MAMDC2: variants seen among roughly 807,000 people sequenced by gnomAD.
MAMDC2 encodes MAM domain-containing protein 2.
Under a neutral mutation model 89.8 loss-of-function variants are expected in MAMDC2, and 57 were observed. The observed-to-expected ratio is 0.63, with a 90% CI of 0.51 to 0.79. The LOEUF (loss-of-function observed/expected upper bound fraction) is 0.79. Among genes scored for constraint, MAMDC2 ranks in the 30% least tolerant of loss-of-function variants. The pLI is 0.00. For synonymous variants in MAMDC2, 313 were observed against 293.4 expected (o/e 1.07, Z -0.68); for missense variants, 800 against 820.6 (o/e 0.97, Z 0.31).
chr9:70,197,289 C>T (rs1294826006), intron 11 of MAMDC2, among the ~76,000 whole-genome samples: 1 of 152,050 alleles, frequency 6.6e-6, no homozygotes, highest in Non-Finnish European at 1.5e-5. Flanking sequence ...GCTGGAAGAA[C>T]TTATGGAGTA....
intron 2 of MAMDC2, among the ~76,000 whole-genome samples, chr9:70,107,138 C>G (rs550668948): frequency 6.6e-5 from 10 of 151,892 alleles, no homozygotes; most frequent in Non-Finnish European, 1.2e-4. Flanking sequence ...ATCTGCAGGC[C>G]AGAAAGGCCC....
In MAMDC2 at chr9:70,226,328, C is replaced by A. The variant is rs1251250678; in HGVS notation, c.*296C>A. 1 of 181,630 alleles carries A rather than the reference C, an allele frequency of 5.5e-6. No homozygotes were observed. Among genetic ancestry groups the A allele is most frequent in the Non-Finnish European group, 1.1e-5 (1 of 87,704 alleles). 11.3% of individuals were successfully genotyped at this position (181,630 alleles called of 1,614,324 possible). The stretch of plus-strand genomic sequence containing the variant: ...TATATTGTAGTCATTTTAAAGTACA[C>A]AAAGGGCACAATCAAAATGAGATGC... On this transcript the variant is annotated 3_prime_UTR_variant, in exon 14 of 14. Transcript: ENST00000377182.
chr9:70,222,642 A>G (rs963494130), intron 12 of MAMDC2, among the ~76,000 whole-genome samples: 1 of 152,190 alleles, frequency 6.6e-6, no homozygotes, highest in African/African-American at 2.4e-5. Context: ...CAAAAGCACA[A>G]AATCATTCTA....
intron 11 of MAMDC2, among the ~76,000 whole-genome samples, chr9:70,177,184 A>G (rs2032525239): frequency 6.6e-6 from 1 of 152,154 alleles, no homozygotes; most frequent in African/African-American, 2.4e-5. Context: ...TCTTTGCCAT[A>G]TCTAAACTGT....
At chr9:70,069,410 C>T (rs992117090) in intron 2 of MAMDC2, among the ~76,000 whole-genome samples, 2 of 152,290 alleles carry the variant, frequency 1.3e-5, no homozygotes, top group Admixed American at 6.5e-5. Flanking sequence ...TGTTGGCTAA[C>T]GTAATGTTAA....
intron 2 of MAMDC2, among the ~76,000 whole-genome samples, chr9:70,047,355 C>T (rs951072673): frequency 5.9e-5 from 9 of 152,190 alleles, no homozygotes; most frequent in East Asian, 5.8e-4. Flanking sequence ...CCTCCCCTTG[C>T]GCCCCACCCC....
Position 70,225,736 on chromosome 9 carries a change from T to C in MAMDC2, c.1912-14T>C, listed in dbSNP as rs748200366. ...ATGATTCTATTTCTAAATTCAAACA[T>C]ATTATTCTTTCAGATAATTTTTGAA... On this transcript the variant is annotated splice_polypyrimidine_tract_variant and intron_variant, in intron 12 of 13. Transcript: ENST00000377182. The C allele has an allele frequency of 3.3e-6, 5 of 1,496,208 alleles. No individual in the cohort carries two copies. Among genetic ancestry groups the C allele is most frequent in the African/African-American group, 2.8e-5 (2 of 72,474 alleles). 92.7% of individuals were successfully genotyped at this position (1,496,208 alleles called of 1,614,324 possible). A position where few individuals can be genotyped will look rare whatever the true frequency, so the allele number is the denominator to read the frequency against.
intron 5 of MAMDC2, among the ~76,000 whole-genome samples, chr9:70,125,177 C>T (rs1177257151): frequency 1.3e-5 from 2 of 152,146 alleles, no homozygotes; most frequent in African/African-American, 2.4e-5. Context: ...GATAGCTTAC[C>T]CTTTATACAA....
intron 9 of MAMDC2, among the ~76,000 whole-genome samples, chr9:70,152,961 T>C (rs1211136801): frequency 2.0e-5 from 3 of 152,172 alleles, no homozygotes; most frequent in African/African-American, 4.8e-5. Flanking sequence ...AATGTTTTTT[T>C]CTTAGTCCTG....
chr9:70,058,606 T>C (rs1827078525), intron 2 of MAMDC2, among the ~76,000 whole-genome samples: 1 of 152,190 alleles, frequency 6.6e-6, no homozygotes, highest in Non-Finnish European at 1.5e-5. Context: ...CCTGCAGGTC[T>C]TCAAGATCCT....
At chr9:70,102,211 T>G (rs1828215549) in intron 2 of MAMDC2, among the ~76,000 whole-genome samples, 1 of 152,212 alleles carries the variant, frequency 6.6e-6, no homozygotes, top group Non-Finnish European at 1.5e-5. Flanking sequence ...AGTCTCATTT[T>G]GAAAATAAAG....
At chr9:70,140,313 G>A in intron 8 of MAMDC2, 25 bp downstream of exon 8, 1 of 1,557,182 alleles carries the variant, frequency 6.4e-7, no homozygotes, top group East Asian at 2.5e-5. Context: ...TGTCTATGTG[G>A]GGACATCTTG....
chr9:70,131,616 A>G lies in MAMDC2; in HGVS notation c.994+4A>G. ...GTTCACTGCCAGAATCAGACAGGTG[A>G]GCATTCTCTATTTGTCATTGCATTT... is the stretch of plus-strand genomic sequence containing the variant. On this transcript the variant is annotated splice_donor_region_variant and intron_variant, in intron 7 of 13. Coordinates refer to ENST00000377182, the MANE Select transcript of MAMDC2 (RefSeq NM_153267.5). 1 of 1,598,180 alleles carries G rather than the reference A, an allele frequency of 6.3e-7. No individual in the cohort carries two copies. The highest frequency in any genetic ancestry group is 8.5e-7 in the Non-Finnish European group (1 of 1,170,658).
intron 12 of MAMDC2, among the ~76,000 whole-genome samples, chr9:70,220,557 T>C (rs76102143): frequency 0.073 from 11,092 of 152,322 alleles, 590 homozygotes; most frequent in East Asian, 0.22. Flanking sequence ...ATCAGCCATC[T>C]GCTACATGCC....
At chr9:70,073,172 G>A (rs1827448494) in intron 2 of MAMDC2, among the ~76,000 whole-genome samples, 1 of 152,336 alleles carries the variant, frequency 6.6e-6, no homozygotes, top group East Asian at 1.9e-4. Context: ...ATTTGTGTAA[G>A]GAAATGACAA....
chr9:70,224,917 C>A (rs1228349492), intron 12 of MAMDC2, among the ~76,000 whole-genome samples: 4 of 152,052 alleles, frequency 2.6e-5, no homozygotes, highest in Non-Finnish European at 4.4e-5. Flanking sequence ...AATTTATATT[C>A]TTTAATTTTA....
chr9:70,068,579 T>G (rs1015330299), intron 2 of MAMDC2, among the ~76,000 whole-genome samples: 4 of 151,476 alleles, frequency 2.6e-5, no homozygotes, highest in African/African-American at 9.7e-5. Context: ...AACAACAAAT[T>G]AGCCGGGCGT....
intron 2 of MAMDC2, among the ~76,000 whole-genome samples, chr9:70,100,021 A>AGAGAGAGC (rs1316783544): frequency 1.7e-4 from 24 of 144,520 alleles, no homozygotes; most frequent in South Asian, 6.8e-4. Context: ...AGAGAGAGAG[A>AGAGAGAGC]GAGCACAAGC....
intron 11 of MAMDC2, among the ~76,000 whole-genome samples, chr9:70,217,042 AT>A (rs1357755705): frequency 6.6e-6 from 1 of 152,202 alleles, no homozygotes; most frequent in Non-Finnish European, 1.5e-5. Context: ...CCACTGCCTT[AT>A]CTACATGCCG....
Sources: allele counts gnomAD v4.1 joint callset (sites outside exome capture counted in the v4.1 genomes callset), GRCh38; gene constraint gnomAD v4.1.1; transcripts MANE v1.5; gene names NCBI Gene and HGNC (gene_info 2026-07-23, HGNC 2026-07-21).